The following ODAD4 variants were observed in gnomAD, a reference collection of about 807,000 sequenced individuals.
The protein encoded by ODAD4 is outer dynein arm-docking complex subunit 4.
ODAD4 carries 49 observed loss-of-function variants against 51.8 expected under a neutral mutation model. That is an observed-to-expected ratio of 0.95 (90% confidence interval 0.75 to 1.20). The LOEUF is 1.20. Ranked by LOEUF, ODAD4 falls within the 50% of genes most tolerant of loss-of-function variation. The pLI, the probability that ODAD4 is intolerant of heterozygous loss-of-function variation, is 0.00. For missense variants in ODAD4, 590 were observed against 586.5 expected (o/e 1.01, Z -0.06); for synonymous variants, 235 against 221.3 (o/e 1.06, Z -0.55).
intron 7 of ODAD4, among the ~76,000 whole-genome samples, chr17:41,944,429 CACACACACACACACA>C (rs1472262724): frequency 0.045 from 298 of 6,680 alleles, 13 homozygotes; most frequent in South Asian, 0.18. Context: ...CACACACACA[CACACACACACACACA>C]CCCCCCCGCA....
Position 41,949,239 on chromosome 17 carries a change from A to G in ODAD4, c.1232A>G (p.Asp411Gly). 1 of 398,528 alleles carries G rather than the reference A, an allele frequency of 2.5e-6. No homozygotes were observed. The highest frequency in any genetic ancestry group is 3.6e-5 in the East Asian group (1 of 28,064). 24.7% of individuals were successfully genotyped at this position (398,528 alleles called of 1,614,324 possible). A position where few individuals can be genotyped will look rare whatever the true frequency, so the allele number is the denominator to read the frequency against. ...ATCGGCCGCTGCTACTTGGAGCTGG[A>G]CCAGGCCTGGCAGGCCCAGAATTAT... ...HEIGRCYLELDQAWQAQNYGE... is the reference protein window; with the variant it reads ...HEIGRCYLELGQAWQAQNYGE... The change falls in exon 9 of 12, where the codon GAC (aspartate) becomes GGC (glycine). Residue 411 changes from aspartate to glycine, a missense_variant. Around this residue, in one of 3 missense-constraint regions of ODAD4, gnomAD observed 226 missense variants for 162.7 expected, o/e 1.39. Transcript: ENST00000377540.
chr17:41,950,924 G>T (rs1195871411), intron 9 of ODAD4, among the ~76,000 whole-genome samples: 11 of 151,690 alleles, frequency 7.3e-5, no homozygotes, highest in African/African-American at 2.7e-4. Context: ...TGGTCAGGCT[G>T]GTCTCGAACT....
At chr17:41,961,134 A>G (rs184322768) in intron 10 of ODAD4, among the ~76,000 whole-genome samples, 1 of 152,310 alleles carries the variant, frequency 6.6e-6, no homozygotes, top group African/African-American at 2.4e-5. Flanking sequence ...CTCCCAATAC[A>G]TGCCTAAGCC....
intron 8 of ODAD4, among the ~76,000 whole-genome samples, chr17:41,948,297 C>T (rs1003335338): frequency 6.8e-6 from 1 of 146,690 alleles, no homozygotes; most frequent in Non-Finnish European, 1.5e-5. Flanking sequence ...CTCATATATT[C>T]TTAGTAATTT....
chr17:41,960,084 G>T (rs1334914423), intron 10 of ODAD4, among the ~76,000 whole-genome samples: 1 of 152,224 alleles, frequency 6.6e-6, no homozygotes, highest in African/African-American at 2.4e-5. Flanking sequence ...CAGCATGGCC[G>T]TTCAGTTCAG....
chr17:41,932,670 A>T (rs1232208871), intron 1 of ODAD4, among the ~76,000 whole-genome samples: 2 of 151,772 alleles, frequency 1.3e-5, no homozygotes, highest in African/African-American at 4.8e-5. Flanking sequence ...TTAGTGTTCC[A>T]AGTAGCTGGA....
chr17:41,935,325 C>T lies in ODAD4; in HGVS notation c.223C>T (p.Gln75Ter). 6.2e-7 allele frequency: 1 copy of T among 1,613,892 alleles called. No homozygotes were observed. The highest frequency in any genetic ancestry group is 8.5e-7 in the Non-Finnish European group (1 of 1,179,874). The change falls in exon 2 of 12, where the codon CAG becomes TAG. Residue 75 changes from glutamine (Q) to a stop codon, truncating the protein, a stop_gained. Transcript: ENST00000377540. LOFTEE classifies it high-confidence loss of function. The stretch of plus-strand genomic sequence containing the variant: ...CCTGAAGGATGCTGAGGCTTCGCTC[C>T]AGAGTGACCCAGCTTTCTGTAAGGT... Reference protein sequence around the residue: ...RSLKDAEASLQSDPAFCKGIL... With the variant: ...RSLKDAEASL
In ODAD4 at chr17:41,936,899, G is replaced by A. The variant is rs782004701; in HGVS notation, c.597G>A (p.Glu199=). ...TGGGGGAGCTCTACGTGGACAAAGAGTATTTGGAGAAGCTCCTATTGGATG... is the reference window on the plus strand; with the variant it reads ...TGGGGGAGCTCTACGTGGACAAAGAATATTTGGAGAAGCTCCTATTGGATG... ...QLLGELYVDK[E]YLEKLLLDED... is the part of the protein sequence containing the mutation. The change falls in exon 5 of 12, where the codon GAG becomes GAA. Residue 199 remains glutamate (E), a synonymous_variant. Transcript: ENST00000377540. 6 of 1,613,970 alleles carry A rather than the reference G, an allele frequency of 3.7e-6. No homozygotes were observed. The Admixed American group carries it at 5.0e-5, about 13-fold the overall frequency.
chr17:41,942,091 G>A (rs1233879703), intron 7 of ODAD4, among the ~76,000 whole-genome samples: 1 of 152,126 alleles, frequency 6.6e-6, no homozygotes, highest in Non-Finnish European at 1.5e-5. Flanking sequence ...GGGATTATTG[G>A]CAGCCCGGCT....
Position 41,938,713 on chromosome 17 carries a change from G to C in ODAD4, c.782G>C (p.Arg261Pro). The C allele has an allele frequency of 6.2e-7, 1 of 1,613,858 alleles. No individual in the cohort carries two copies. Among genetic ancestry groups the C allele is most frequent in the Non-Finnish European group, 8.5e-7 (1 of 1,179,880 alleles). ...AAGCTGATGCAAGAGAAATGGCTGCGGGACCACAAACGCCGTCCCTCACAG... is the reference window on the plus strand; with the variant it reads ...AAGCTGATGCAAGAGAAATGGCTGCCGGACCACAAACGCCGTCCCTCACAG... ...DRKLMQEKWL[R>P]DHKRRPSQTA... is the part of the protein sequence containing the mutation. Residue 261 changes from arginine to proline, a missense_variant, in exon 6 of 12, where the codon CGG becomes CCG. Transcript: ENST00000377540.
Position 41,935,613 on chromosome 17 carries a change from G to A in ODAD4, c.261G>A (p.Lys87=). The A allele has an allele frequency of 1.2e-6, 2 of 1,612,544 alleles. No homozygotes were observed. Among genetic ancestry groups the A allele is most frequent in the South Asian group, 2.2e-5 (2 of 90,712 alleles). ...TCCCATTCCAGGGGATTTTGCAAAA[G>A]GCTGAGACACTGTACACCATGGGAG... The part of the protein sequence containing the change: ...DPAFCKGILQ[K]AETLYTMGDF... Residue 87 remains lysine, a synonymous_variant, in exon 3 of 12, where the codon AAG becomes AAA. Coordinates refer to ENST00000377540, the MANE Select transcript of ODAD4 (RefSeq NM_031421.5).
intron 9 of ODAD4, among the ~76,000 whole-genome samples, chr17:41,950,549 T>A (rs1276445310): frequency 1.3e-5 from 2 of 151,674 alleles, no homozygotes; most frequent in African/African-American, 4.9e-5. Flanking sequence ...TACCCAGCTA[T>A]GTCTTTGTAT....
At chr17:41,944,444 A>ACACACCCCCC (rs1191101800) in intron 7 of ODAD4, among the ~76,000 whole-genome samples, 2 of 19,548 alleles carry the variant, frequency 1.0e-4, no homozygotes, top group African/African-American at 1.4e-4. Flanking sequence ...ACACACACAC[A>ACACACCCCCC]CCCCCCCGCA....
At chr17:41,944,445 C>CACACACACACACA (rs879985039) in intron 7 of ODAD4, among the ~76,000 whole-genome samples, 1 of 3,518 alleles carries the variant, frequency 2.8e-4, no homozygotes, top group African/African-American at 6.9e-4. Flanking sequence ...CACACACACA[C>CACACACACACACA]CCCCCCGCAT....
chr17:41,936,509 T>C lies in ODAD4; in HGVS notation c.434T>C (p.Leu145Pro). ...ATTAAGCTGGAGAACAAAGGGGACC[T>C]CTCCTTCTTAAGCAAGCAGGCTGAG... ...SSIKLENKGD[L>P]SFLSKQAENI... The change falls in exon 4 of 12, where the codon CTC becomes CCC. Residue 145 changes from leucine to proline, a missense_variant. Coordinates refer to ENST00000377540, the MANE Select transcript of ODAD4 (RefSeq NM_031421.5). 3 of 1,613,232 alleles carry C rather than the reference T, an allele frequency of 1.9e-6. No individual in the cohort carries two copies. Among genetic ancestry groups the C allele is most frequent in the South Asian group, 1.1e-5 (1 of 91,020 alleles).
intron 9 of ODAD4, among the ~76,000 whole-genome samples, chr17:41,954,672 G>C (rs181745957): frequency 6.6e-6 from 1 of 151,894 alleles, no homozygotes; most frequent in African/African-American, 2.4e-5. Context: ...CCAACATGAC[G>C]AAACCCCATC....
intron 11 of ODAD4, 66 bp downstream of exon 11, chr17:41,961,532 C>T (rs972363400): frequency 3.5e-5 from 25 of 711,306 alleles, no homozygotes; most frequent in Middle Eastern, 2.4e-4. Flanking sequence ...TCCTCTAGTC[C>T]GAGACACATG....
intron 10 of ODAD4, among the ~76,000 whole-genome samples, chr17:41,961,025 C>A (rs1272171169): frequency 3.3e-5 from 5 of 152,182 alleles, no homozygotes; most frequent in Non-Finnish European, 7.3e-5. Context: ...TGCTGCCTTG[C>A]TGAGTGCTTG....
chr17:41,948,321 C>CTTT (rs1259244820), intron 8 of ODAD4, among the ~76,000 whole-genome samples: 59 of 139,250 alleles, frequency 4.2e-4, no homozygotes, highest in African/African-American at 1.5e-3. Flanking sequence ...TCTTTCTTTC[C>CTTT]TTTTTTTTTT....
Sources: allele counts gnomAD v4.1 joint callset (sites outside exome capture counted in the v4.1 genomes callset), GRCh38; gene constraint gnomAD v4.1.1; regional missense constraint gnomAD v4.1.1; transcripts MANE v1.5; gene names NCBI Gene and HGNC (gene_info 2026-07-23, HGNC 2026-07-21).